Variants in CDH8 observed in about 807,000 individuals in gnomAD.
CDH8 encodes the protein cadherin-8.
In CDH8, 17 loss-of-function variants were observed where a neutral mutation model predicts 68.1. That is an observed-to-expected ratio of 0.25 (90% CI 0.17 to 0.37). The LOEUF (loss-of-function observed/expected upper bound fraction) is 0.37. Among genes scored for constraint, CDH8 ranks in the 10% least tolerant of loss-of-function variants. CDH8 has a pLI of 1.00. For synonymous variants in CDH8, 372 were observed against 365.1 expected (o/e 1.02, Z -0.21); for missense variants, 763 against 999.3 (o/e 0.76, Z 3.19).
chr16:61,737,683 G>A (rs954075374), intron 8 of CDH8, among the ~76,000 whole-genome samples: 5 of 151,928 alleles, frequency 3.3e-5, no homozygotes, highest in South Asian at 2.1e-4. Context: ...ATTAACCAAC[G>A]GACACCAAGA....
chr16:61,713,883 C>T lies in CDH8; in HGVS notation c.1612G>A (p.Glu538Lys). 1 of 1,607,458 alleles carries T rather than the reference C, an allele frequency of 6.2e-7. No individual in the cohort carries two copies. The highest frequency in any genetic ancestry group is 8.5e-7 in the Non-Finnish European group (1 of 1,174,824). The change falls in exon 10 of 12, where the codon GAA becomes AAA. Residue 538 changes from glutamate to lysine, a missense_variant. By Grantham distance (56) the Glu-to-Lys change is moderately conservative. Coordinates refer to ENST00000577390, the MANE Select transcript of CDH8 (RefSeq NM_001796.5). Reference protein sequence around the residue: ...GHYFLYSLLPEMVNNPNFTIK... With the variant: ...GHYFLYSLLPKMVNNPNFTIK... ...GTGAAATTCGGATTGTTGACCATTT[C>T]TGGAAGGAGACTGTATAAGAAATAA... is the stretch of plus-strand genomic sequence containing the variant.
At chr16:61,999,785 T>C (rs1392839345) in intron 2 of CDH8, among the ~76,000 whole-genome samples, 1 of 152,066 alleles carries the variant, frequency 6.6e-6, no homozygotes, top group Non-Finnish European at 1.5e-5. Context: ...AAAATTATAA[T>C]GAATTCCCCC....
chr16:61,870,163 A>G (rs564495906), intron 3 of CDH8, among the ~76,000 whole-genome samples: 1 of 152,252 alleles, frequency 6.6e-6, no homozygotes, highest in African/African-American at 2.4e-5. Context: ...TCATAATATC[A>G]CATCTTGTTT....
chr16:61,798,969 G>C (rs1397862917), intron 7 of CDH8, among the ~76,000 whole-genome samples: 1 of 152,170 alleles, frequency 6.6e-6, no homozygotes, highest in Non-Finnish European at 1.5e-5. Flanking sequence ...CGGAAGTTCT[G>C]GTGGCTATTT....
intron 5 of CDH8, among the ~76,000 whole-genome samples, chr16:61,822,661 G>A (rs1371259601): frequency 1.3e-5 from 2 of 151,848 alleles, no homozygotes; most frequent in Non-Finnish European, 2.9e-5. Context: ...CTGCCACAAG[G>A]TAGGCACTGA....
At chr16:61,927,481 A>G (rs574646513) in intron 2 of CDH8, among the ~76,000 whole-genome samples, 38 of 152,294 alleles carry the variant, frequency 2.5e-4, no homozygotes, top group African/African-American at 8.4e-4. Context: ...CTAGAATTCT[A>G]TTTGAAATAA....
At chr16:61,852,852 CCCTTCCTTCCTT>C (rs138549766) in intron 4 of CDH8, among the ~76,000 whole-genome samples, 4 of 133,100 alleles carry the variant, frequency 3.0e-5, no homozygotes, top group East Asian at 2.2e-4. Context: ...CCTGACTCTG[CCCTTCCTTCCTT>C]CCTTCCTTCC....
Position 61,650,692 on chromosome 16 carries a change from T to C in CDH8, c.*2916A>G, listed in dbSNP as rs956089804. On this transcript the variant is annotated 3_prime_UTR_variant, in exon 12 of 12. Coordinates refer to ENST00000577390, the MANE Select transcript of CDH8 (RefSeq NM_001796.5). ...TTTGTTGTGTGTGTGTGTGTGTGTG[T>C]GTGTGTGTGTGTGTGAGAGAGAGAG... The C allele has an allele frequency of 1.5e-5, 2 of 132,538 alleles. No individual in the cohort carries two copies. Among genetic ancestry groups the C allele is most frequent in the South Asian group, 4.5e-4 (2 of 4,468 alleles). 8.2% of individuals were successfully genotyped at this position (132,538 alleles called of 1,614,324 possible). A position where few individuals can be genotyped will look rare whatever the true frequency, so the allele number is the denominator to read the frequency against.
intron 2 of CDH8, among the ~76,000 whole-genome samples, chr16:62,020,488 A>ATG (rs973804513): frequency 3.1e-5 from 3 of 98,104 alleles, no homozygotes; most frequent in Admixed American, 2.5e-4. Flanking sequence ...TAACACACAC[A>ATG]CGCGCGCGCG....
chr16:61,873,387 C>T (rs1173334679), intron 3 of CDH8, among the ~76,000 whole-genome samples: 1 of 152,092 alleles, frequency 6.6e-6, no homozygotes, highest in African/African-American at 2.4e-5. Flanking sequence ...TATGAAGCAG[C>T]ACACCATAAG....
intron 1 of CDH8, among the ~76,000 whole-genome samples, chr16:62,034,753 G>C (rs1902412098): frequency 6.6e-6 from 1 of 152,164 alleles, no homozygotes; most frequent in East Asian, 1.9e-4. Context: ...AAGTTGAAAG[G>C]ACCTTTCCTC....
chr16:61,690,856 C>T (rs4784149), intron 10 of CDH8, among the ~76,000 whole-genome samples: 64,104 of 151,770 alleles, frequency 0.42, 14,326 homozygotes, highest in African/African-American at 0.54. Flanking sequence ...AGGCTGATTG[C>T]AGTCTACAAA....
intron 10 of CDH8, among the ~76,000 whole-genome samples, chr16:61,657,719 A>G (rs11075431): frequency 0.34 from 51,401 of 151,934 alleles, 9,249 homozygotes; most frequent in African/African-American, 0.46. Context: ...TTCTTCAAGG[A>G]ACAATTAATA....
chr16:61,673,032 C>A (rs1010326008), intron 10 of CDH8, among the ~76,000 whole-genome samples: 3 of 152,064 alleles, frequency 2.0e-5, no homozygotes, highest in Non-Finnish European at 4.4e-5. Context: ...TAGTTATGAA[C>A]CAAATTCTGA....
At chr16:61,898,534 C>T (rs1045730902) in intron 3 of CDH8, among the ~76,000 whole-genome samples, 2 of 152,128 alleles carry the variant, frequency 1.3e-5, no homozygotes, top group Non-Finnish European at 2.9e-5. Context: ...AGTAGCTGAA[C>T]ACCTATAAAA....
In CDH8 at chr16:61,943,251, G is replaced by A. The variant is rs115128858; in HGVS notation, c.253-41778C>T. Among the ~76,000 whole-genome samples, 502 of 152,190 alleles carry A rather than the reference G, an allele frequency of 3.3e-3. 3 individuals carry two copies. The highest frequency in any genetic ancestry group is 0.011 in the African/African-American group (458 of 41,508). ...GAAAGTAGAGGCCTTATCTGGATTC[G>A]TCTGTATTTCAGCACCTAGAAGAGT... On this transcript the variant is annotated intron_variant, in intron 2 of 11. Coordinates refer to ENST00000577390, the MANE Select transcript of CDH8 (RefSeq NM_001796.5).
rs1242043001 is a variant in CDH8, at chr16:61,821,068, G to T, written c.881C>A (p.Ala294Glu). 1.2e-6 allele frequency: 2 copies of T among 1,612,372 alleles called. No homozygotes were observed. Among genetic ancestry groups the T allele is most frequent in the African/African-American group, 2.7e-5 (2 of 74,786 alleles). ...SVPEDVVLGT[A>E]IGRVKANDQD... ...ATCATTGGCCTTCACCCTTCCTATT[G>T]CAGTGCCAAGAACCACATCTTCCGG... Residue 294 changes from alanine to glutamate, a missense_variant, in exon 6 of 12, where the codon GCA (alanine) becomes GAA (glutamate). By Grantham distance (107) the Ala-to-Glu change is moderately radical (BLOSUM62 -1). This residue lies in a region of CDH8 where 366 missense variants were observed against 563.1 expected (regional missense o/e 0.65). Coordinates refer to ENST00000577390, the MANE Select transcript of CDH8 (RefSeq NM_001796.5).
intron 2 of CDH8, among the ~76,000 whole-genome samples, chr16:61,991,981 G>T (rs969517711): frequency 2.0e-5 from 3 of 151,640 alleles, no homozygotes; most frequent in Non-Finnish European, 4.4e-5. Context: ...TGTTTAACTT[G>T]TTGGCCAGAT....
At chr16:61,698,002 T>C (rs1358959766) in intron 10 of CDH8, among the ~76,000 whole-genome samples, 5 of 152,216 alleles carry the variant, frequency 3.3e-5, no homozygotes, top group Admixed American at 6.5e-5. Context: ...CCCTTTACAG[T>C]GCAGATAGCT....
Sources: gnomAD v4.1 joint callset for allele counts (sites outside exome capture counted in the v4.1 genomes callset) on GRCh38, gnomAD v4.1.1 for gene constraint, gnomAD v4.1.1 regional missense constraint, MANE v1.5 for transcripts, NCBI Gene and HGNC (gene_info 2026-07-23, HGNC 2026-07-21) for gene names.